The following MARK4 variants were observed in gnomAD, a reference collection of about 807,000 sequenced individuals.
The protein encoded by MARK4 is MAP/microtubule affinity-regulating kinase 4.
Under a neutral mutation model 81.5 loss-of-function variants are expected in MARK4, and 19 were observed. The ratio of observed to expected loss-of-function variants is 0.23; its 90% confidence interval spans 0.16 to 0.34. The LOEUF (loss-of-function observed/expected upper bound fraction) is 0.34. Among genes scored for constraint, MARK4 ranks in the 10% least tolerant of loss-of-function variants. MARK4 has a pLI of 1.00. For missense variants in MARK4, 772 were observed against 1,058.8 expected (o/e 0.73, Z 3.76); for synonymous variants, 436 against 439.0 (o/e 0.99, Z 0.08).
At chr19:45,284,466 G>GT (rs2123080645) in intron 12 of MARK4, among the ~76,000 whole-genome samples, 2 of 152,092 alleles carry the variant, frequency 1.3e-5, no homozygotes, top group African/African-American at 4.8e-5. Flanking sequence ...GGGACTATAG[G>GT]TGTCCACCAC....
chr19:45,263,003 G>T, intron 2 of MARK4, 110 bp from the exon 3 acceptor site: 1 of 1,294,664 alleles, frequency 7.7e-7, no homozygotes, highest in South Asian at 1.3e-5. Flanking sequence ...GGCCTCAAGT[G>T]ATCCTCCCGC....
At chr19:45,301,098 C>G (rs534323342) in intron 16 of MARK4, among the ~76,000 whole-genome samples, 8 of 152,218 alleles carry the variant, frequency 5.3e-5, no homozygotes, top group East Asian at 1.9e-4. Context: ...CAGCAGTGCT[C>G]CCATCCTAAG....
chr19:45,280,386 G>C lies in MARK4; in HGVS notation c.1019G>C (p.Gly340Ala). The C allele has an allele frequency of 6.2e-7, 1 of 1,614,170 alleles. No homozygotes were observed. Among genetic ancestry groups the C allele is most frequent in the Non-Finnish European group, 8.5e-7 (1 of 1,180,004 alleles). ...GDTKRIEVMV[G>A]MGYTREEIKE... ...CCCCCCCTCCCAGAGGTGATGGTGG[G>C]TATGGGCTACACACGGGAAGAAATC... The change falls in exon 11 of 17, where the codon GGT becomes GCT. Residue 340 changes from glycine (G) to alanine (A), a missense_variant. Physicochemically the swap from Gly to Ala is moderately conservative, Grantham distance 60. Coordinates refer to ENST00000262891, the MANE Select transcript of MARK4 (RefSeq NM_001199867.2).
chr19:45,299,341 T>G (rs561114809), intron 15 of MARK4, among the ~76,000 whole-genome samples: 169 of 152,246 alleles, frequency 1.1e-3, no homozygotes, highest in Non-Finnish European at 1.8e-3. Flanking sequence ...GGAAGATTGC[T>G]TGAGCCTGGG....
At chr19:45,267,238 A>G (rs1970467495) in intron 7 of MARK4, among the ~76,000 whole-genome samples, 1 of 151,972 alleles carries the variant, frequency 6.6e-6, no homozygotes, top group African/African-American at 2.4e-5. Context: ...TTGTATTTTT[A>G]GTAGAGACGG....
At chr19:45,257,307 A>G (rs769735706) in intron 1 of MARK4, among the ~76,000 whole-genome samples, 1 of 151,830 alleles carries the variant, frequency 6.6e-6, no homozygotes, top group Admixed American at 6.6e-5. Context: ...AAGTATGTAC[A>G]TTGTTTTTAT....
intron 15 of MARK4, chr19:45,298,195 G>A (rs767049510): frequency 4.9e-5 from 79 of 1,613,954 alleles, no homozygotes; most frequent in South Asian, 1.6e-4. Context: ...TGTTTCGGGC[G>A]CCTCTCTGCC....
rs929292226 is a variant in MARK4, at chr19:45,264,824, G to A, written c.422-16G>A. The A allele has an allele frequency of 1.2e-6, 2 of 1,614,100 alleles. No individual in the cohort carries two copies. The highest frequency in any genetic ancestry group is 1.7e-6 in the Non-Finnish European group (2 of 1,179,996). ...GCTGCACCTGACCCTGACCCCGCTC[G>A]GCCTCTGCCCTGCAGGAGAAGTGTT... On this transcript the variant is annotated splice_polypyrimidine_tract_variant and intron_variant, in intron 5 of 16. Coordinates refer to ENST00000262891, the MANE Select transcript of MARK4 (RefSeq NM_001199867.2).
chr19:45,262,145 G>A (rs1054930489), intron 2 of MARK4, among the ~76,000 whole-genome samples: 1 of 152,124 alleles, frequency 6.6e-6, no homozygotes, highest in Non-Finnish European at 1.5e-5. Context: ...CTGTGCCTCA[G>A]TTTCCCTGTT....
At chr19:45,280,794 T>A (rs1421812590) in intron 12 of MARK4, 60 bp downstream of exon 12, 2 of 1,593,768 alleles carry the variant, frequency 1.3e-6, no homozygotes, top group Non-Finnish European at 1.7e-6. Context: ...AGACTTACAG[T>A]TACGTCAGGG....
At chr19:45,284,296 C>T (rs1210663544) in intron 12 of MARK4, among the ~76,000 whole-genome samples, 1 of 151,870 alleles carries the variant, frequency 6.6e-6, no homozygotes, top group African/African-American at 2.4e-5. Flanking sequence ...GCGTGAGCCA[C>T]TGTGCCCAGC....
intron 4 of MARK4, 141 bp from the exon 5 acceptor site, chr19:45,264,543 A>G: frequency 1.3e-6 from 1 of 785,326 alleles, no homozygotes; most frequent in Non-Finnish European, 2.1e-6. Context: ...AGGAGTTTGG[A>G]AAATCTTGCT....
At chr19:45,296,240 T>C (rs186785839) in intron 14 of MARK4, among the ~76,000 whole-genome samples, 125 of 151,908 alleles carry the variant, frequency 8.2e-4, no homozygotes, top group African/African-American at 2.9e-3. Flanking sequence ...TAAAAAAAAA[T>C]TTAAAAACAA....
chr19:45,281,501 C>T (rs933387698), intron 12 of MARK4, among the ~76,000 whole-genome samples: 1 of 151,806 alleles, frequency 6.6e-6, no homozygotes, highest in African/African-American at 2.4e-5. Flanking sequence ...GCCGGGATTA[C>T]AGGCACCTGC....
At position 45,287,817 on chromosome 19, in the gene MARK4, C is replaced by T. The variant is rs961179773; in HGVS notation, c.1494+153C>T. ...TTCAACAAACATTTATCGAGTGCCT[C>T]TGTTTGCCTGAGCTCAGTTTATACA... On this transcript the variant is annotated intron_variant, in intron 13 of 16. Coordinates refer to ENST00000262891, the MANE Select transcript of MARK4 (RefSeq NM_001199867.2). 78 of 889,514 alleles carry T rather than the reference C, an allele frequency of 8.8e-5. No individual in the cohort carries two copies. In the Middle Eastern group the frequency reaches 2.5e-3, roughly 29 times the overall value. The allele number at this position is 889,514 out of a possible 1,614,324, so 55.1% of individuals were successfully genotyped here. A position where few individuals can be genotyped will look rare whatever the true frequency, so the allele number is the denominator to read the frequency against.
In MARK4 at chr19:45,287,682, G is replaced by A; in HGVS notation, c.1494+18G>A. On this transcript the variant is annotated intron_variant, in intron 13 of 16. Coordinates refer to ENST00000262891, the MANE Select transcript of MARK4 (RefSeq NM_001199867.2). ...GCACCCCCGTGAGTGACCAGGGCTG[G>A]GGGGCAGGGCTGGGGGCGCCACCTG... 6.2e-7 allele frequency: 1 copy of A among 1,601,278 alleles called. No homozygotes were observed. The highest frequency in any genetic ancestry group is 8.5e-7 in the Non-Finnish European group (1 of 1,173,664).
At chr19:45,293,585 G>C (rs1970846213) in intron 13 of MARK4, among the ~76,000 whole-genome samples, 1 of 152,182 alleles carries the variant, frequency 6.6e-6, no homozygotes, top group African/African-American at 2.4e-5. Context: ...TTTTTGGCTT[G>C]GATGACTCCC....
chr19:45,302,809 A>T lies in MARK4; in HGVS notation c.*99A>T. On this transcript the variant is annotated 3_prime_UTR_variant, in exon 17 of 17. Transcript: ENST00000262891. The surrounding 1 kb of genome is among the most constrained non-coding windows in gnomAD (Gnocchi z 4.9). Reference sequence around the variant, plus strand: ...GGGAGGGGATTCTCCCTTTATCATCACCTCAGTTTCCCTGAATTATATTTG... The same window carrying T: ...GGGAGGGGATTCTCCCTTTATCATCTCCTCAGTTTCCCTGAATTATATTTG... 6.9e-7 allele frequency: 1 copy of T among 1,449,414 alleles called. No individual in the cohort carries two copies. Among genetic ancestry groups the T allele is most frequent in the Admixed American group, 2.3e-5 (1 of 42,782 alleles). 89.8% of individuals were successfully genotyped at this position (1,449,414 alleles called of 1,614,324 possible). A position where few individuals can be genotyped will look rare whatever the true frequency, so the allele number is the denominator to read the frequency against.
In MARK4 at chr19:45,252,049, C is replaced by T. The variant is rs570552792; in HGVS notation, c.51+410C>T. 6.2e-4 allele frequency among the ~76,000 whole-genome samples: 94 copies of T among 152,048 alleles called. 1 individual carries two copies. The highest frequency in any genetic ancestry group is 1.3e-3 in the Non-Finnish European group (85 of 67,966). ...CCCCAAGGCCCGGCCCTGGCACTCT[C>T]AGCAGGGCCTGGCCCAGTCCTGCCT... is the stretch of plus-strand genomic sequence containing the variant. On this transcript the variant is annotated intron_variant, in intron 1 of 16. Transcript: ENST00000262891.
Sources: gnomAD v4.1 joint callset for allele counts (sites outside exome capture counted in the v4.1 genomes callset) on GRCh38, gnomAD v4.1.1 for gene constraint, Gnocchi (gnomAD v3.1) non-coding constraint, MANE v1.5 for transcripts, NCBI Gene and HGNC (gene_info 2026-07-23, HGNC 2026-07-21) for gene names.